Variants in UBASH3B observed in about 807,000 individuals in gnomAD.
UBASH3B encodes ubiquitin associated and SH3 domain containing B, also known as ubiquitin-associated and SH3 domain-containing protein B.
A neutral mutation model predicts 83.4 loss-of-function variants in UBASH3B; 37 were observed. The ratio of observed to expected loss-of-function variants is 0.44; its 90% CI spans 0.34 to 0.58. The LOEUF (loss-of-function observed/expected upper bound fraction) is 0.58, where lower values mean the gene tolerates loss of function less well. Among genes scored for constraint, UBASH3B ranks in the 20% least tolerant of loss-of-function variants. The probability of loss-of-function intolerance (pLI) is 0.01; values close to 1 mark genes in which losing one functional copy is unlikely to be tolerated. For synonymous variants in UBASH3B, 304 were observed against 318.3 expected (o/e 0.96, Z 0.48); for missense variants, 657 against 827.2 (o/e 0.79, Z 2.52).
chr11:122,813,118 A>C lies in UBASH3B; in HGVS notation c.*3232A>C, dbSNP rs1288401844. ...TTTTGCAAAAAATAAAAAATAAAAA[A>C]TATGCCTTCTGGAGTGATGTCTGTT... is the stretch of plus-strand genomic sequence containing the variant. On this transcript the variant is annotated 3_prime_UTR_variant, in exon 14 of 14. Coordinates refer to ENST00000284273, the MANE Select transcript of UBASH3B (RefSeq NM_032873.5). The C allele has an allele frequency of 6.6e-6, 1 of 152,566 alleles. No homozygotes were observed. The highest frequency in any genetic ancestry group is 2.4e-5 in the African/African-American group (1 of 41,466). The allele number at this position is 152,566 out of a possible 1,614,324, so 9.5% of individuals were successfully genotyped here.
Position 122,759,808 on chromosome 11 carries a change from G to A in UBASH3B, c.162-16411G>A, listed in dbSNP as rs1278680192. On this transcript the variant is annotated intron_variant, in intron 1 of 13. Coordinates refer to ENST00000284273, the MANE Select transcript of UBASH3B (RefSeq NM_032873.5). The surrounding 1 kb of genome is among the most constrained non-coding windows in gnomAD (Gnocchi z 4.1). ...TGCTGTGCAGCCTGGCTCCTAACAG[G>A]CCACGTACCAGTACCCATCTGTGGC... Among the ~76,000 whole-genome samples the A allele has an allele frequency of 6.6e-6, 1 of 152,214 alleles. No homozygotes were observed. Among genetic ancestry groups the A allele is most frequent in the African/African-American group, 2.4e-5 (1 of 41,458 alleles).
In UBASH3B at chr11:122,736,493, A is replaced by G. The variant is rs560408700; in HGVS notation, c.162-39726A>G. On this transcript the variant is annotated intron_variant, in intron 1 of 13. Transcript: ENST00000284273. Reference sequence around the variant, plus strand: ...AACTCTAAATACTAATTCATGCAGAATGGAAAAAAAAGGGCTAGGGGAACA... The same window carrying G: ...AACTCTAAATACTAATTCATGCAGAGTGGAAAAAAAAGGGCTAGGGGAACA... Among the ~76,000 whole-genome samples, 5 of 152,142 alleles carry G rather than the reference A, an allele frequency of 3.3e-5. No homozygotes were observed. The South Asian group carries it at 6.2e-4, about 19-fold the overall frequency.
At position 122,813,213 on chromosome 11, in the gene UBASH3B, G is replaced by T. The variant is rs938919813; in HGVS notation, c.*3327G>T. The T allele has an allele frequency of 1.3e-5, 2 of 152,196 alleles. No individual in the cohort carries two copies. The highest frequency in any genetic ancestry group is 2.9e-5 in the Non-Finnish European group (2 of 68,040). 9.4% of individuals were successfully genotyped at this position (152,196 alleles called of 1,614,324 possible). A position where few individuals can be genotyped will look rare whatever the true frequency, so the allele number is the denominator to read the frequency against. On this transcript the variant is annotated 3_prime_UTR_variant, in exon 14 of 14. Coordinates refer to ENST00000284273, the MANE Select transcript of UBASH3B (RefSeq NM_032873.5). ...TGCATATAGATTGTCTTGTCATTGT[G>T]CTTAACATTACCATAAGTGTGTCTT...
chr11:122,712,214 T>C (rs1241533742), intron 1 of UBASH3B, among the ~76,000 whole-genome samples: 1 of 152,150 alleles, frequency 6.6e-6, no homozygotes, highest in Admixed American at 6.5e-5. Flanking sequence ...AATTCAGCTG[T>C]GTACATTTTG....
chr11:122,761,500 C>T (rs945339965), intron 1 of UBASH3B, among the ~76,000 whole-genome samples: 3 of 152,032 alleles, frequency 2.0e-5, no homozygotes, highest in Admixed American at 1.3e-4. Flanking sequence ...GTGTTGCTAA[C>T]AAATTACTTA....
chr11:122,694,826 T>C (rs1196583383), intron 1 of UBASH3B, among the ~76,000 whole-genome samples: 2 of 152,104 alleles, frequency 1.3e-5, no homozygotes, highest in African/African-American at 2.4e-5. Context: ...CACAGTGGAT[T>C]TGAAAACCCT....
At chr11:122,764,073 G>A (rs1220937079) in intron 1 of UBASH3B, among the ~76,000 whole-genome samples, 1 of 152,158 alleles carries the variant, frequency 6.6e-6, no homozygotes, top group African/African-American at 2.4e-5. Context: ...GCGTAAGTTT[G>A]AGTGTCGTTG....
chr11:122,767,025 A>G (rs1860553184), intron 1 of UBASH3B, among the ~76,000 whole-genome samples: 1 of 152,168 alleles, frequency 6.6e-6, no homozygotes, highest in Non-Finnish European at 1.5e-5. Flanking sequence ...CACGCCTGTA[A>G]TCCCAGCACT....
In UBASH3B at chr11:122,758,152, G is replaced by A. The variant is rs1401722562; in HGVS notation, c.162-18067G>A. 5.9e-5 allele frequency among the ~76,000 whole-genome samples: 9 copies of A among 152,192 alleles called. No homozygotes were observed. Among genetic ancestry groups the A allele is most frequent in the Non-Finnish European group, 7.3e-5 (5 of 68,032 alleles). ...GGGAACTGAGGCCCAGAAGGAAGGC[G>A]AAGATGTGGCCGGGGGTGGGGCCGG... is the stretch of plus-strand genomic sequence containing the variant. On this transcript the variant is annotated intron_variant, in intron 1 of 13. Coordinates refer to ENST00000284273, the MANE Select transcript of UBASH3B (RefSeq NM_032873.5). This position sits in a 1 kb window ranked among gnomAD's most constrained non-coding sequence, Gnocchi z 4.2.
At chr11:122,704,750 T>A (rs111689047) in intron 1 of UBASH3B, among the ~76,000 whole-genome samples, 2,076 of 152,186 alleles carry the variant, frequency 0.014, 43 homozygotes, top group African/African-American at 0.045. Context: ...CCTCAAGTGA[T>A]CTGCCCGCCT....
intron 1 of UBASH3B, among the ~76,000 whole-genome samples, chr11:122,677,239 A>G (rs1232948163): frequency 1.3e-5 from 2 of 152,226 alleles, no homozygotes; most frequent in African/African-American, 4.8e-5. Context: ...CATGGGTTAT[A>G]TGCAAATACT....
At chr11:122,725,342 A>AG (rs1555140845) in intron 1 of UBASH3B, among the ~76,000 whole-genome samples, 27 of 130,822 alleles carry the variant, frequency 2.1e-4, no homozygotes, top group East Asian at 1.1e-3. Flanking sequence ...AAAAAAAAAA[A>AG]AAGAAAAGAA....
chr11:122,688,645 A>AT (rs113447002), intron 1 of UBASH3B, among the ~76,000 whole-genome samples: 2 of 100,762 alleles, frequency 2.0e-5, no homozygotes, highest in African/African-American at 9.4e-5. Flanking sequence ...ATTTTATTTT[A>AT]TTTTATTTTA....
Position 122,799,505 on chromosome 11 carries a change from A to C in UBASH3B, c.1450+471A>C, listed in dbSNP as rs1169376287. ...TCCATCTCAAAAAAAAAAAAAAAAT[A>C]CTCTGGCAGCCTAAGCAAAATAAAA... On this transcript the variant is annotated intron_variant, in intron 10 of 13. Coordinates refer to ENST00000284273, the MANE Select transcript of UBASH3B (RefSeq NM_032873.5). Among the ~76,000 whole-genome samples, 10 of 150,474 alleles carry C rather than the reference A, an allele frequency of 6.6e-5. No homozygotes were observed. The Admixed American group carries it at 6.7e-4, about 10-fold the overall frequency.
chr11:122,744,906 C>CGT (rs1861091020), intron 1 of UBASH3B, among the ~76,000 whole-genome samples: 1 of 32,982 alleles, frequency 3.0e-5, no homozygotes, highest in African/African-American at 1.1e-4. Flanking sequence ...TGTGCGCGCG[C>CGT]GCGCGCACTT....
chr11:122,730,911 T>C (rs12785310), intron 1 of UBASH3B, among the ~76,000 whole-genome samples: 47,001 of 152,204 alleles, frequency 0.31, 8,737 homozygotes, highest in Middle Eastern at 0.48. Flanking sequence ...TGGATTCTTA[T>C]TCACCTTCTG....
rs185662281 is a variant in UBASH3B, at chr11:122,661,968, G to A, written c.161+5758G>A. ...GTTGCCCAAGCTGGAGTGCAATGGC[G>A]TGATCTCAGCTCACTGCAACCTCTG... On this transcript the variant is annotated intron_variant, in intron 1 of 13. Coordinates refer to ENST00000284273, the MANE Select transcript of UBASH3B (RefSeq NM_032873.5). 1.8e-3 allele frequency among the ~76,000 whole-genome samples: 271 copies of A among 149,010 alleles called. 3 individuals carry two copies. Among genetic ancestry groups the A allele is most frequent in the Admixed American group, 0.016 (233 of 14,886 alleles).
chr11:122,721,089 C>CAA lies in UBASH3B; in HGVS notation c.162-55125_162-55124dup, dbSNP rs144316675. Among the ~76,000 whole-genome samples the CAA allele has an allele frequency of 4.0e-3, 613 of 151,600 alleles. 4 individuals are homozygous for CAA. The highest frequency in any genetic ancestry group is 0.014 in the African/African-American group (566 of 41,312). On this transcript the variant is annotated intron_variant, in intron 1 of 13. Transcript: ENST00000284273. ...TGAAACCCCGTCTCTACCAAAAATA[C>CAA]AAAAAATTAGCCAGGCGTGGTGGCG... is the stretch of plus-strand genomic sequence containing the variant.
At chr11:122,706,715 G>A (rs1286286200) in intron 1 of UBASH3B, among the ~76,000 whole-genome samples, 3 of 152,186 alleles carry the variant, frequency 2.0e-5, no homozygotes, top group African/African-American at 7.2e-5. Context: ...CCTTGGCTAG[G>A]AGTACCAAGA....
Sources: allele counts gnomAD v4.1 joint callset (sites outside exome capture counted in the v4.1 genomes callset), GRCh38; gene constraint gnomAD v4.1.1; non-coding constraint Gnocchi (gnomAD v3.1); transcripts MANE v1.5; gene names NCBI Gene and HGNC (gene_info 2026-07-23, HGNC 2026-07-21).